The following SCAI variants were observed in gnomAD, a reference collection of about 807,000 sequenced individuals.
The protein encoded by SCAI is protein SCAI.
Under a neutral mutation model 92.2 loss-of-function variants are expected in SCAI, and 24 were observed. That is an observed-to-expected ratio of 0.26 (90% CI 0.19 to 0.37). The LOEUF (loss-of-function observed/expected upper bound fraction) is 0.37. SCAI is among the 10% of genes least tolerant of loss of function. The pLI, the probability that SCAI is intolerant of heterozygous loss-of-function variation, is 1.00. For missense variants in SCAI, 450 were observed against 736.2 expected (o/e 0.61, Z 4.50); for synonymous variants, 261 against 258.6 (o/e 1.01, Z -0.09).
At chr9:125,133,991 G>A (rs888793999) in intron 2 of SCAI, among the ~76,000 whole-genome samples, 2 of 152,110 alleles carry the variant, frequency 1.3e-5, no homozygotes, top group African/African-American at 4.8e-5. Context: ...CCCTTAGGAG[G>A]CAAAACCCCC....
intron 3 of SCAI, among the ~76,000 whole-genome samples, chr9:125,054,929 T>C (rs1414537185): frequency 6.6e-6 from 1 of 152,062 alleles, no homozygotes; most frequent in Non-Finnish European, 1.5e-5. Context: ...GTAAATAATA[T>C]TAAGAGTGGT....
chr9:124,986,425 A>C (rs1831991446), intron 14 of SCAI, among the ~76,000 whole-genome samples: 1 of 152,260 alleles, frequency 6.6e-6, no homozygotes, highest in Non-Finnish European at 1.5e-5. Flanking sequence ...ACAGCTGAAG[A>C]GAAAATTTTT....
chr9:125,089,870 A>C (rs1834396822), intron 2 of SCAI, among the ~76,000 whole-genome samples: 1 of 152,176 alleles, frequency 6.6e-6, no homozygotes, highest in Non-Finnish European at 1.5e-5. Context: ...AAAAAAAAAG[A>C]TACCTGTTTT....
chr9:125,020,072 CAAA>C (rs11298022), intron 7 of SCAI, among the ~76,000 whole-genome samples: 2 of 112,332 alleles, frequency 1.8e-5, no homozygotes, highest in Non-Finnish European at 1.9e-5. Context: ...GACCTTGTCT[CAAA>C]AAAAAAAAAA....
At chr9:124,973,961 T>C (rs1211336480) in intron 15 of SCAI, among the ~76,000 whole-genome samples, 1 of 152,234 alleles carries the variant, frequency 6.6e-6, no homozygotes, top group African/African-American at 2.4e-5. Flanking sequence ...TCCATGTTCT[T>C]AACGTCCACG....
At chr9:125,116,214 CAT>C (rs1280264335) in intron 2 of SCAI, among the ~76,000 whole-genome samples, 1 of 151,992 alleles carries the variant, frequency 6.6e-6, no homozygotes, top group Non-Finnish European at 1.5e-5. Context: ...AAAAAGTATA[CAT>C]GTTATATATG....
chr9:124,977,208 T>TGTCA (rs1387801714), intron 14 of SCAI, among the ~76,000 whole-genome samples: 1 of 152,136 alleles, frequency 6.6e-6, no homozygotes, highest in African/African-American at 2.4e-5. Flanking sequence ...AATTCTAAAA[T>TGTCA]GTCATTACAC....
At chr9:125,126,396 T>G (rs1564424376) in intron 2 of SCAI, among the ~76,000 whole-genome samples, 2 of 145,426 alleles carry the variant, frequency 1.4e-5, no homozygotes, top group Non-Finnish European at 3.1e-5. Flanking sequence ...GTTGGGGGTG[T>G]GTGTGTGTGT....
At chr9:125,029,868 A>G (rs1833036861) in intron 3 of SCAI, 129 bp from the exon 4 acceptor site, 2 of 504,842 alleles carry the variant, frequency 4.0e-6, no homozygotes, top group Non-Finnish European at 6.8e-6. Flanking sequence ...AAAAAGTTAC[A>G]CTTTTTGGAG....
chr9:125,102,997 T>C (rs1205896612), intron 2 of SCAI, among the ~76,000 whole-genome samples: 1 of 152,162 alleles, frequency 6.6e-6, no homozygotes, highest in Non-Finnish European at 1.5e-5. Context: ...CCTCTGCTTT[T>C]CCTCACTGCT....
At position 124,952,579 on chromosome 9, in the gene SCAI, A is replaced by G. The variant is rs998305705; in HGVS notation, c.*228T>C. On this transcript the variant is annotated 3_prime_UTR_variant, in exon 18 of 18. Transcript: ENST00000336505. The stretch of plus-strand genomic sequence containing the variant: ...TGGAGGTAAATATCCATCCCTCAAA[A>G]TCAAAAAATAAAAATTCCAAGGTTA... 4 of 402,614 alleles carry G rather than the reference A, an allele frequency of 9.9e-6. No homozygotes were observed. The highest frequency in any genetic ancestry group is 1.8e-5 in the Non-Finnish European group (4 of 228,338). 24.9% of individuals were successfully genotyped at this position (402,614 alleles called of 1,614,324 possible). A position where few individuals can be genotyped will look rare whatever the true frequency, so the allele number is the denominator to read the frequency against.
At chr9:124,966,208 C>G (rs1476228002) in intron 17 of SCAI, among the ~76,000 whole-genome samples, 1 of 151,422 alleles carries the variant, frequency 6.6e-6, no homozygotes, top group Admixed American at 6.6e-5. Flanking sequence ...GGTATATCTC[C>G]TAATGCTATC....
intron 2 of SCAI, among the ~76,000 whole-genome samples, chr9:125,141,915 T>C (rs1835675404): frequency 6.6e-6 from 1 of 152,204 alleles, no homozygotes. Context: ...ACATAGTAGA[T>C]GCTCAATAAA....
chr9:125,003,494 G>A lies in SCAI; in HGVS notation c.938C>T (p.Ser313Phe), dbSNP rs200286023. The A allele has an allele frequency of 6.2e-7, 1 of 1,611,954 alleles. No homozygotes were observed. The highest frequency in any genetic ancestry group is 1.3e-5 in the African/African-American group (1 of 74,924). Residue 313 changes from serine to phenylalanine, a missense_variant, in exon 10 of 18, where the codon TCC becomes TTC. By Grantham distance (155) the Ser-to-Phe change is radical. Around this residue, in one of 3 missense-constraint regions of SCAI, gnomAD observed 360 missense variants for 601.8 expected, o/e 0.60. Transcript: ENST00000336505. ...CTGCATTCCTGGTTTATTCATCTGGGAAGCTAAATTCATTGGCTCCCTTTC... is the reference window on the plus strand; with the variant it reads ...CTGCATTCCTGGTTTATTCATCTGGAAAGCTAAATTCATTGGCTCCCTTTC... ...ALEREPMNLA[S>F]QMNKPGMQES...
At chr9:125,010,426 T>C (rs1564377326) in intron 9 of SCAI, among the ~76,000 whole-genome samples, 1 of 152,210 alleles carries the variant, frequency 6.6e-6, no homozygotes, top group South Asian at 2.1e-4. Context: ...GTCTCGCTGA[T>C]TGCTAGCACA....
At chr9:124,977,410 T>C (rs544903279) in intron 14 of SCAI, among the ~76,000 whole-genome samples, 205 of 151,248 alleles carry the variant, frequency 1.4e-3, no homozygotes, top group African/African-American at 4.7e-3. Flanking sequence ...CCCGGCACAG[T>C]GGCTCACGAC....
chr9:125,059,782 T>C (rs1436379906), intron 2 of SCAI, among the ~76,000 whole-genome samples: 1 of 152,200 alleles, frequency 6.6e-6, no homozygotes. Context: ...GCATCTGACA[T>C]TCTTCAAAAT....
At chr9:124,968,454 G>T in intron 17 of SCAI, 1 of 994,908 alleles carries the variant, frequency 1.0e-6, no homozygotes, top group Non-Finnish European at 1.6e-6. Context: ...ACTGGATGGA[G>T]AAGATAACCA....
At chr9:125,038,069 A>C (rs1385897239) in intron 3 of SCAI, among the ~76,000 whole-genome samples, 1 of 152,184 alleles carries the variant, frequency 6.6e-6, no homozygotes, top group African/African-American at 2.4e-5. Context: ...CAGCCTGGGC[A>C]ACATGGCAAA....
Sources: allele counts gnomAD v4.1 joint callset (sites outside exome capture counted in the v4.1 genomes callset), GRCh38; gene constraint gnomAD v4.1.1; regional missense constraint gnomAD v4.1.1; transcripts MANE v1.5; gene names NCBI Gene and HGNC (gene_info 2026-07-23, HGNC 2026-07-21).